The following DOCK3 variants were observed in gnomAD, a reference collection of about 807,000 sequenced individuals.
The protein encoded by DOCK3 is dedicator of cytokinesis protein 3.
Under a neutral mutation model 265.6 loss-of-function variants are expected in DOCK3, and 60 were observed. The ratio of observed to expected loss-of-function variants is 0.23; its 90% CI spans 0.18 to 0.28. DOCK3 has a LOEUF of 0.28. DOCK3 is among the 10% of genes least tolerant of loss of function. DOCK3 has a pLI of 1.00. For synonymous variants in DOCK3, 881 were observed against 938.0 expected (o/e 0.94, Z 1.11); for missense variants, 1,981 against 2,594.3 (o/e 0.76, Z 5.14).
chr3:51,116,789 T>C (rs1341892813), intron 9 of DOCK3, among the ~76,000 whole-genome samples: 4 of 152,220 alleles, frequency 2.6e-5, no homozygotes, highest in African/African-American at 4.8e-5. Context: ...ATAGGAATGC[T>C]TGTGATTTTT....
chr3:50,774,019 C>T (rs1009076654), intron 1 of DOCK3, among the ~76,000 whole-genome samples: 5 of 151,946 alleles, frequency 3.3e-5, no homozygotes, highest in Admixed American at 2.6e-4. Context: ...CAAGTACTTG[C>T]AAATATAGCC....
intron 2 of DOCK3, among the ~76,000 whole-genome samples, chr3:50,826,700 TG>T (rs2044776013): frequency 6.6e-6 from 1 of 152,176 alleles, no homozygotes; most frequent in South Asian, 2.1e-4. Context: ...AAACAGGAAC[TG>T]GATACTGTAG....
In DOCK3 at chr3:51,381,949, G is replaced by A. The variant is rs181694697; in HGVS notation, c.*390G>A. On this transcript the variant is annotated 3_prime_UTR_variant, in exon 53 of 53. Coordinates refer to ENST00000266037, the MANE Select transcript of DOCK3 (RefSeq NM_004947.5). The surrounding 1 kb of genome is among the most constrained non-coding windows in gnomAD (Gnocchi z 5.6). ...GCCCAGGCCCTCCCTCCAGGGTAGA[G>A]ATGCACCGAATGGAAATTGCACTAA... 3.9e-5 allele frequency: 7 copies of A among 177,540 alleles called. No individual in the cohort carries two copies. The highest frequency in any genetic ancestry group is 7.1e-5 in the Non-Finnish European group (6 of 84,950). The allele number at this position is 177,540 out of a possible 1,614,324, so 11.0% of individuals were successfully genotyped here.
chr3:51,225,899 T>G, intron 15 of DOCK3, 126 bp downstream of exon 15: 1 of 1,244,082 alleles, frequency 8.0e-7, no homozygotes, highest in Non-Finnish European at 1.1e-6. Context: ...TTTCTCTGCC[T>G]TTTTCTTTCT....
intron 9 of DOCK3, among the ~76,000 whole-genome samples, chr3:51,101,260 A>T (rs527247663): frequency 5.3e-5 from 8 of 151,932 alleles, no homozygotes; most frequent in South Asian, 2.1e-4. Context: ...AGCTGGGACT[A>T]CAGGCGCCCG....
chr3:51,262,056 G>A (rs60128296), intron 23 of DOCK3, among the ~76,000 whole-genome samples: 10,797 of 152,252 alleles, frequency 0.071, 960 homozygotes, highest in East Asian at 0.32. Context: ...CACAGTGCTC[G>A]AGCTCTGCTA....
chr3:50,680,280 C>T (rs1450647613), intron 1 of DOCK3, among the ~76,000 whole-genome samples: 2 of 148,302 alleles, frequency 1.3e-5, no homozygotes, highest in Non-Finnish European at 3.0e-5. Flanking sequence ...GGGGTGATCT[C>T]GGCTCACTGC....
At chr3:50,678,644 A>ATT (rs748461367) in intron 1 of DOCK3, among the ~76,000 whole-genome samples, 1 of 146,726 alleles carries the variant, frequency 6.8e-6, no homozygotes. Flanking sequence ...TCATTAGGCA[A>ATT]TTTTTTTTTT....
rs760935222 is a variant in DOCK3 at position 51,237,473 on chromosome 3, C to T, written c.2002-17C>T. On this transcript the variant is annotated splice_polypyrimidine_tract_variant and intron_variant, in intron 20 of 52. Transcript: ENST00000266037. The stretch of plus-strand genomic sequence containing the variant: ...GCCTCCAGTGAACCCTGATGGCTTA[C>T]TCTCCATATCTCCCAGGTGTTCATC... 5.9e-6 allele frequency: 9 copies of T among 1,534,608 alleles called. No individual in the cohort carries two copies. Among genetic ancestry groups the T allele is most frequent in the Non-Finnish European group, 8.1e-6 (9 of 1,110,678 alleles).
chr3:51,264,107 T>C (rs1331371937), intron 23 of DOCK3, among the ~76,000 whole-genome samples: 1 of 152,174 alleles, frequency 6.6e-6, no homozygotes, highest in African/African-American at 2.4e-5. Context: ...CAACAGAATA[T>C]ACATTCTTCT....
chr3:50,691,712 T>G (rs891258986), intron 1 of DOCK3, among the ~76,000 whole-genome samples: 2 of 152,204 alleles, frequency 1.3e-5, no homozygotes, highest in Non-Finnish European at 2.9e-5. Context: ...CTCTGCATCC[T>G]CCCCAATACT....
chr3:50,689,863 G>C (rs2035088340), intron 1 of DOCK3, among the ~76,000 whole-genome samples: 1 of 152,158 alleles, frequency 6.6e-6, no homozygotes. Flanking sequence ...AAGCAGGGTT[G>C]GGGAGCCCTG....
At position 51,075,404 on chromosome 3, in the gene DOCK3, C is replaced by G. The variant is rs199683497; in HGVS notation, c.513C>G (p.Asp171Glu). 3 of 1,611,032 alleles carry G rather than the reference C, an allele frequency of 1.9e-6. No individual in the cohort carries two copies. Among genetic ancestry groups the G allele is most frequent in the Non-Finnish European group, 2.5e-6 (3 of 1,178,794 alleles). ...CTCGGAAGGACTTTGAAGTAGTGGA[C>G]TCGGACCAGATTAGTGTCTCAGATC... ...LVPRKDFEVV[D>E]SDQISVSDLY... The change falls in exon 7 of 53, where the codon GAC (aspartate) becomes GAG (glutamate). Residue 171 changes from aspartate (D) to glutamate (E), a missense_variant. Asp to Glu is a conservative substitution (Grantham distance 45). Around this residue, in one of 4 missense-constraint regions of DOCK3, gnomAD observed 456 missense variants for 539.0 expected, o/e 0.85. Coordinates refer to ENST00000266037, the MANE Select transcript of DOCK3 (RefSeq NM_004947.5).
At chr3:51,119,584 C>T (rs2083916917) in intron 9 of DOCK3, among the ~76,000 whole-genome samples, 1 of 152,176 alleles carries the variant, frequency 6.6e-6, no homozygotes, top group Non-Finnish European at 1.5e-5. Context: ...CCATTCTCCA[C>T]ATCACCTTCA....
chr3:50,784,088 G>A (rs1006396211), intron 2 of DOCK3, among the ~76,000 whole-genome samples: 4 of 152,008 alleles, frequency 2.6e-5, no homozygotes, highest in African/African-American at 4.8e-5. Flanking sequence ...GGTTGATCTC[G>A]AACTCCTGAC....
chr3:51,206,783 T>C (rs1419839911), intron 12 of DOCK3, among the ~76,000 whole-genome samples: 1 of 152,072 alleles, frequency 6.6e-6, no homozygotes, highest in Non-Finnish European at 1.5e-5. Context: ...GCAAGATGTG[T>C]AAAAGGCCCA....
At chr3:50,857,079 A>G (rs903198648) in intron 3 of DOCK3, among the ~76,000 whole-genome samples, 14 of 152,148 alleles carry the variant, frequency 9.2e-5, no homozygotes, top group Non-Finnish European at 1.3e-4. Flanking sequence ...GTTTGCTAGT[A>G]GTTTGTTGAG....
chr3:51,375,525 G>T (rs2088037349), intron 50 of DOCK3, among the ~76,000 whole-genome samples: 1 of 152,136 alleles, frequency 6.6e-6, no homozygotes, highest in Non-Finnish European at 1.5e-5. Context: ...CTGGAGGATG[G>T]TATTGCAAAT....
chr3:50,984,839 A>G lies in DOCK3; in HGVS notation c.315+50762A>G, dbSNP rs999781592. On this transcript the variant is annotated intron_variant, in intron 5 of 52. Transcript: ENST00000266037. ...CAAAACAGAAATTTAAAAATAATAT[A>G]AGAACTATTGACATAGCATTTACAT... Among the ~76,000 whole-genome samples the G allele has an allele frequency of 3.3e-5, 5 of 152,376 alleles. No homozygotes were observed. In the East Asian group the frequency reaches 9.6e-4, roughly 29 times the overall value.
Sources: allele counts gnomAD v4.1 joint callset (sites outside exome capture counted in the v4.1 genomes callset), GRCh38; gene constraint gnomAD v4.1.1; regional missense constraint gnomAD v4.1.1; non-coding constraint Gnocchi (gnomAD v3.1); transcripts MANE v1.5; gene names NCBI Gene and HGNC (gene_info 2026-07-23, HGNC 2026-07-21).